JARID2: variants seen among roughly 807,000 people sequenced by gnomAD.
JARID2 encodes jumonji and AT-rich interaction domain containing 2.
In JARID2, 21 loss-of-function variants were observed where a neutral mutation model predicts 125.6. The observed-to-expected ratio is 0.17, with a 90% CI of 0.12 to 0.24. The LOEUF is 0.24. Among genes scored for constraint, JARID2 ranks in the 10% least tolerant of loss-of-function variants. The pLI is 1.00. For synonymous variants in JARID2, 736 were observed against 661.6 expected (o/e 1.11, Z -1.73); for missense variants, 1,303 against 1,639.6 (o/e 0.79, Z 3.55).
intron 2 of JARID2, among the ~76,000 whole-genome samples, chr6:15,392,344 C>G (rs1044930276): frequency 1.3e-5 from 2 of 152,128 alleles, no homozygotes; most frequent in Non-Finnish European, 1.5e-5. Flanking sequence ...ACAAGCTAGA[C>G]TGATTACCAC....
At chr6:15,356,790 G>A (rs548868286) in intron 1 of JARID2, among the ~76,000 whole-genome samples, 6 of 152,216 alleles carry the variant, frequency 3.9e-5, no homozygotes, top group East Asian at 1.9e-4. Context: ...CGAGGCAGGC[G>A]GATCACTTGA....
intron 1 of JARID2, among the ~76,000 whole-genome samples, chr6:15,328,695 ATG>A (rs1203355318): frequency 6.6e-6 from 1 of 152,226 alleles, no homozygotes; most frequent in Non-Finnish European, 1.5e-5. Flanking sequence ...TACAGTCAAA[ATG>A]TGTGTCTGTG....
chr6:15,346,407 C>A (rs1011931973), intron 1 of JARID2, among the ~76,000 whole-genome samples: 5 of 152,156 alleles, frequency 3.3e-5, no homozygotes, highest in African/African-American at 1.2e-4. Flanking sequence ...CCATGAGTCG[C>A]CTCCTCTTGT....
At chr6:15,420,162 C>T (rs1164229674) in intron 3 of JARID2, among the ~76,000 whole-genome samples, 3 of 152,060 alleles carry the variant, frequency 2.0e-5, no homozygotes, top group Non-Finnish European at 2.9e-5. Flanking sequence ...CCTAGCACTT[C>T]GGGAGGCCGA....
At chr6:15,322,540 C>T (rs1487826030) in intron 1 of JARID2, among the ~76,000 whole-genome samples, 5 of 152,182 alleles carry the variant, frequency 3.3e-5, no homozygotes, top group African/African-American at 1.2e-4. Flanking sequence ...GTAGCATCTA[C>T]CTACCCTGCA....
chr6:15,417,887 T>C (rs140139287), intron 3 of JARID2, among the ~76,000 whole-genome samples: 104 of 152,380 alleles, frequency 6.8e-4, no homozygotes, highest in African/African-American at 2.5e-3. Context: ...GAGACTTCTC[T>C]GACTTGTTTC....
intron 1 of JARID2, among the ~76,000 whole-genome samples, chr6:15,340,353 C>T (rs931520179): frequency 2.6e-5 from 4 of 152,164 alleles, no homozygotes; most frequent in Non-Finnish European, 5.9e-5. Context: ...GATTTCTGAG[C>T]CTGATTCTCA....
Position 15,374,251 on chromosome 6 carries a change from T to G in JARID2, c.180T>G (p.Asn60Lys). ...TTGCTGGGAGCCTGAAAACTGTGAATGGTGAGTTGACTCTTGGAATATCTC... is the reference window on the plus strand; with the variant it reads ...TTGCTGGGAGCCTGAAAACTGTGAAGGGTGAGTTGACTCTTGGAATATCTC... ...EGIAGSLKTV[N>K]GLLGNDQSKG... The change falls in exon 2 of 18, where the codon AAT (asparagine) becomes AAG (lysine). Residue 60 changes from asparagine to lysine, a missense_variant and splice_region_variant. Around this residue, in one of 11 missense-constraint regions of JARID2, gnomAD observed 93 missense variants for 120.4 expected, o/e 0.77. Coordinates refer to ENST00000341776, the MANE Select transcript of JARID2 (RefSeq NM_004973.4). 1 of 1,613,792 alleles carries G rather than the reference T, an allele frequency of 6.2e-7. No individual in the cohort carries two copies. Among genetic ancestry groups the G allele is most frequent in the Non-Finnish European group, 8.5e-7 (1 of 1,179,794 alleles).
At chr6:15,458,072 T>C (rs1768269217) in intron 4 of JARID2, among the ~76,000 whole-genome samples, 1 of 152,176 alleles carries the variant, frequency 6.6e-6, no homozygotes, top group African/African-American at 2.4e-5. Context: ...AATTAGTATC[T>C]TTCACTGGCA....
chr6:15,319,282 T>C (rs1024762379), intron 1 of JARID2, among the ~76,000 whole-genome samples: 2 of 152,144 alleles, frequency 1.3e-5, no homozygotes, highest in Non-Finnish European at 2.9e-5. Flanking sequence ...TGTGCTGCCT[T>C]GAACAATAAT....
At chr6:15,461,061 G>C (rs143527625) in intron 4 of JARID2, among the ~76,000 whole-genome samples, 153 of 152,294 alleles carry the variant, frequency 1.0e-3, no homozygotes, top group African/African-American at 3.5e-3. Flanking sequence ...TACCGTGATG[G>C]CTTGAGCACC....
chr6:15,384,162 G>A (rs553769784), intron 2 of JARID2, among the ~76,000 whole-genome samples: 7 of 151,830 alleles, frequency 4.6e-5, no homozygotes, highest in East Asian at 1.9e-4. Flanking sequence ...GCACTGGGTC[G>A]ACCACAGCTC....
At chr6:15,304,934 A>G (rs1265318697) in intron 1 of JARID2, among the ~76,000 whole-genome samples, 2 of 151,768 alleles carry the variant, frequency 1.3e-5, no homozygotes, top group African/African-American at 4.8e-5. Flanking sequence ...CGCTCTCTTT[A>G]TTGGCCCTTT....
chr6:15,397,189 G>A lies in JARID2; in HGVS notation c.182-13035G>A, dbSNP rs1011767917. Among the ~76,000 whole-genome samples, 27 of 152,180 alleles carry A rather than the reference G, an allele frequency of 1.8e-4. 1 individual carries two copies. The highest frequency in any genetic ancestry group is 7.2e-4 in the Admixed American group (11 of 15,286). On this transcript the variant is annotated intron_variant, in intron 2 of 17. Transcript: ENST00000341776. ...TGTCACAGAGTGCCCACACTTTAAT[G>A]ATGTTTTTGAAAGTCAAATATTAGC...
chr6:15,481,353 A>G (rs904599790), intron 5 of JARID2, among the ~76,000 whole-genome samples: 9 of 152,188 alleles, frequency 5.9e-5, no homozygotes, highest in Non-Finnish European at 1.2e-4. Flanking sequence ...AACTAGTCCA[A>G]TTATTTCTTT....
At chr6:15,247,154 A>G (rs1346211264) in intron 1 of JARID2, among the ~76,000 whole-genome samples, 1 of 152,126 alleles carries the variant, frequency 6.6e-6, no homozygotes. Flanking sequence ...ATTTGTTGGG[A>G]TTGACTTTAA....
At chr6:15,268,346 G>C (rs1760167602) in intron 1 of JARID2, among the ~76,000 whole-genome samples, 1 of 152,204 alleles carries the variant, frequency 6.6e-6, no homozygotes, top group Non-Finnish European at 1.5e-5. Flanking sequence ...ATTTCCTCCT[G>C]AGGAGTGCAG....
At chr6:15,254,536 C>T (rs35147300) in intron 1 of JARID2, among the ~76,000 whole-genome samples, 3,102 of 152,108 alleles carry the variant, frequency 0.02, 60 homozygotes, top group Non-Finnish European at 0.025. Flanking sequence ...GGGACAGATG[C>T]GGGTGTTAGA....
At position 15,246,091 on chromosome 6, in the gene JARID2, C is replaced by T. The variant is rs1333230911; in HGVS notation, c.-449C>T. Among the ~76,000 whole-genome samples the T allele has an allele frequency of 6.6e-6, 1 of 152,246 alleles. No homozygotes were observed. Among genetic ancestry groups the T allele is most frequent in the Non-Finnish European group, 1.5e-5 (1 of 68,050 alleles). On this transcript the variant is annotated 5_prime_UTR_variant, in exon 1 of 18. Transcript: ENST00000341776. ...GCTGGAGTTGACTCTTCTGCTCGCA[C>T]TGCTGCTGCAGCACAAACGTGACTT...
Sources: allele counts gnomAD v4.1 joint callset (sites outside exome capture counted in the v4.1 genomes callset), GRCh38; gene constraint gnomAD v4.1.1; regional missense constraint gnomAD v4.1.1; transcripts MANE v1.5; gene names NCBI Gene and HGNC (gene_info 2026-07-23, HGNC 2026-07-21).